TRERF1: variants seen among roughly 807,000 people sequenced by gnomAD.
TRERF1 encodes transcriptional-regulating factor 1.
In TRERF1, 27 loss-of-function variants were observed where a neutral mutation model predicts 122.9. The ratio of observed to expected loss-of-function variants is 0.22; its 90% CI spans 0.16 to 0.30. The LOEUF is 0.30. Among genes scored for constraint, TRERF1 ranks in the 10% least tolerant of loss-of-function variants. The pLI is 1.00. For missense variants in TRERF1, 1,248 were observed against 1,560.3 expected (o/e 0.80, Z 3.37); for synonymous variants, 636 against 641.7 (o/e 0.99, Z 0.13).
intron 4 of TRERF1, among the ~76,000 whole-genome samples, chr6:42,291,831 C>T (rs189605380): frequency 1.3e-5 from 2 of 152,198 alleles, no homozygotes; most frequent in Admixed American, 6.5e-5. Context: ...AGGCATAAGA[C>T]ACTGCGCCCG....
intron 3 of TRERF1, among the ~76,000 whole-genome samples, chr6:42,354,407 G>A (rs1770112108): frequency 1.3e-5 from 2 of 149,166 alleles, no homozygotes; most frequent in African/African-American, 2.5e-5. Context: ...TCACATAAAC[G>A]CTTCATTTTC....
At chr6:42,435,066 G>A (rs553169827) in intron 2 of TRERF1, among the ~76,000 whole-genome samples, 4 of 151,874 alleles carry the variant, frequency 2.6e-5, no homozygotes, top group South Asian at 4.2e-4. Flanking sequence ...AGGAGGCAGA[G>A]GTTGCAGTGA....
intron 2 of TRERF1, among the ~76,000 whole-genome samples, chr6:42,413,756 AC>A (rs1281668592): frequency 1.5e-4 from 23 of 152,066 alleles, no homozygotes; most frequent in African/African-American, 4.8e-4. Context: ...AGAGCTCTAG[AC>A]CCAAGGAGCT....
rs73733138 is a variant in TRERF1, at chr6:42,269,773, G to A, written c.-183C>T. The A allele has an allele frequency of 1.6e-3, 2,292 of 1,433,248 alleles. 34 individuals are homozygous for A. The African/African-American group carries it at 0.029, about 18-fold the overall frequency. 88.8% of individuals were successfully genotyped at this position (1,433,248 alleles called of 1,614,324 possible). A position where few individuals can be genotyped will look rare whatever the true frequency, so the allele number is the denominator to read the frequency against. On this transcript the variant is annotated 5_prime_UTR_variant, in exon 5 of 18. Transcript: ENST00000372922. The surrounding 1 kb of genome is among the most constrained non-coding windows in gnomAD (Gnocchi z 4.9). ...GTTGGCCTGTACCACTCATGTGCAG[G>A]GCGGGGGGTTTCACATCCTCTCCCT...
chr6:42,256,891 C>G, intron 11 of TRERF1, 60 bp from the exon 12 acceptor site: 1 of 1,613,306 alleles, frequency 6.2e-7, no homozygotes, highest in Non-Finnish European at 8.5e-7. Flanking sequence ...GGAAAACACA[C>G]CAATCCCAGA....
chr6:42,288,757 CT>C, intron 4 of TRERF1, among the ~76,000 whole-genome samples: 1 of 151,888 alleles, frequency 6.6e-6, no homozygotes, highest in South Asian at 2.1e-4. Context: ...TGGGCAAAGG[CT>C]CTGTGGCAGG....
At chr6:42,240,072 G>C (rs910315684) in intron 15 of TRERF1, among the ~76,000 whole-genome samples, 1 of 152,030 alleles carries the variant, frequency 6.6e-6, no homozygotes, top group Non-Finnish European at 1.5e-5. Context: ...ACCCATCTTC[G>C]AAGCCCAGGC....
intron 2 of TRERF1, among the ~76,000 whole-genome samples, chr6:42,408,472 G>A (rs1359483395): frequency 3.5e-5 from 5 of 141,704 alleles, no homozygotes; most frequent in Admixed American, 7.5e-5. Flanking sequence ...TCTGCCTCCC[G>A]GGTTCAAGCG....
intron 3 of TRERF1, among the ~76,000 whole-genome samples, chr6:42,338,693 C>A (rs1766667774): frequency 6.6e-6 from 1 of 152,118 alleles, no homozygotes; most frequent in Non-Finnish European, 1.5e-5. Context: ...ACGGCTCTCC[C>A]TGCACCCAGC....
At chr6:42,291,001 T>A (rs1186824495) in intron 4 of TRERF1, among the ~76,000 whole-genome samples, 4 of 152,152 alleles carry the variant, frequency 2.6e-5, no homozygotes, top group Admixed American at 1.3e-4. Context: ...CATGTCCTCA[T>A]GGCCAATAAT....
At chr6:42,310,075 T>G (rs1327829337) in intron 3 of TRERF1, among the ~76,000 whole-genome samples, 1 of 151,114 alleles carries the variant, frequency 6.6e-6, no homozygotes, top group Non-Finnish European at 1.5e-5. Context: ...AAATTAAACT[T>G]AACTCAGCTT....
In TRERF1 at chr6:42,338,875, A is replaced by G. The variant is rs1021789598; in HGVS notation, c.-371+24122T>C. On this transcript the variant is annotated intron_variant, in intron 3 of 17. Coordinates refer to ENST00000372922, the Ensembl canonical transcript of TRERF1. ...TTTTTGTGGTGGTGACTCAATGTAT[A>G]TTTGTTTATCTTTATATTTTTTTCA... Among the ~76,000 whole-genome samples the G allele has an allele frequency of 3.9e-5, 6 of 152,106 alleles. 1 individual carries two copies. The highest frequency in any genetic ancestry group is 6.5e-5 in the Admixed American group (1 of 15,278).
At chr6:42,315,617 A>G (rs1168477569) in intron 3 of TRERF1, among the ~76,000 whole-genome samples, 1 of 151,964 alleles carries the variant, frequency 6.6e-6, no homozygotes, top group African/African-American at 2.4e-5. Context: ...AGGTCAAATG[A>G]AGGGGGGCCA....
chr6:42,383,573 G>A (rs1217333195), intron 2 of TRERF1, among the ~76,000 whole-genome samples: 1 of 152,108 alleles, frequency 6.6e-6, no homozygotes, highest in African/African-American at 2.4e-5. Context: ...GTAGGGGTGA[G>A]GACCAGAAAC....
chr6:42,241,470 T>G (rs1421826148), intron 15 of TRERF1, among the ~76,000 whole-genome samples: 2 of 152,108 alleles, frequency 1.3e-5, no homozygotes, highest in Non-Finnish European at 2.9e-5. Context: ...GAGTCCAATT[T>G]TTTTTTTTCA....
At chr6:42,296,796 G>C (rs61198768) in intron 4 of TRERF1, among the ~76,000 whole-genome samples, 2,090 of 152,294 alleles carry the variant, frequency 0.014, 18 homozygotes, top group South Asian at 0.03. Context: ...AGGAAGCCAA[G>C]GTCTGGATGA....
intron 2 of TRERF1, among the ~76,000 whole-genome samples, chr6:42,412,229 G>T (rs945332792): frequency 6.6e-6 from 1 of 152,106 alleles, no homozygotes; most frequent in African/African-American, 2.4e-5. Flanking sequence ...TCGAACTCCC[G>T]ACCTCAGATG....
At chr6:42,277,508 G>A (rs76743579) in intron 4 of TRERF1, among the ~76,000 whole-genome samples, 4,144 of 152,280 alleles carry the variant, frequency 0.027, 174 homozygotes, top group African/African-American at 0.093. Flanking sequence ...GGATTGTAGG[G>A]AGATTAGGAA....
chr6:42,316,977 T>G (rs1762603010), intron 3 of TRERF1, among the ~76,000 whole-genome samples: 1 of 152,166 alleles, frequency 6.6e-6, no homozygotes, highest in Admixed American at 6.5e-5. Context: ...TTTCAGACTT[T>G]TGCATTCTGG....
Sources: gnomAD v4.1 joint callset for allele counts (sites outside exome capture counted in the v4.1 genomes callset) on GRCh38, gnomAD v4.1.1 for gene constraint, Gnocchi (gnomAD v3.1) non-coding constraint, MANE v1.5 for transcripts, NCBI Gene and HGNC (gene_info 2026-07-23, HGNC 2026-07-21) for gene names.